ANXA8: variants seen among roughly 807,000 people sequenced by gnomAD.
The protein encoded by ANXA8 is VAC-beta.
ANXA8 carries 9 observed loss-of-function variants against 26.8 expected under a neutral mutation model. That is an observed-to-expected ratio of 0.34 (90% CI 0.20 to 0.59). The LOEUF (loss-of-function observed/expected upper bound fraction) is 0.59. Among genes scored for constraint, ANXA8 ranks in the 20% least tolerant of loss-of-function variants. The pLI, the probability that ANXA8 is intolerant of heterozygous loss-of-function variation, is 0.84. For synonymous variants in ANXA8, 39 were observed against 94.8 expected, an observed-to-expected ratio of 0.41 and a Z score of 3.42; for missense variants, 83 against 238.5, an observed-to-expected ratio of 0.35 and a Z score of 4.29.
the ANXA8 span, among the ~76,000 whole-genome samples, chr10:47,501,006 G>C: frequency 1.4e-5 from 2 of 140,838 alleles, no homozygotes; most frequent in South Asian, 4.5e-4. Context: ...CCATTCTCCT[G>C]CCTCAGCCTC....
chr10:47,646,578 G>A, the ANXA8 span, among the ~76,000 whole-genome samples: 1 of 151,148 alleles, frequency 6.6e-6, no homozygotes, highest in South Asian at 2.1e-4. Context: ...ACAGAAACAG[G>A]CCAATAAAGA....
chr10:47,694,417 C>CTTTT, the ANXA8 span, among the ~76,000 whole-genome samples: 8 of 107,960 alleles, frequency 7.4e-5, no homozygotes, highest in Non-Finnish European at 8.9e-5. Flanking sequence ...AGAAATCTTC[C>CTTTT]TTTTTTTTTT....
chr10:47,683,777 G>A, the ANXA8 span, among the ~76,000 whole-genome samples: 7 of 150,776 alleles, frequency 4.6e-5, no homozygotes, highest in Non-Finnish European at 1.0e-4. Context: ...ATCCCATGTG[G>A]CTTCTTTGTC....
chr10:47,503,125 G>A, the ANXA8 span: 12 of 1,610,968 alleles, frequency 7.4e-6, no homozygotes, highest in African/African-American at 1.4e-5. Context: ...GATGGTAGAT[G>A]TCCGAAGGTC....
At chr10:47,986,990 C>T in the ANXA8 span, 2 of 535,520 alleles carry the variant, frequency 3.7e-6, no homozygotes, top group Non-Finnish European at 3.6e-6. Flanking sequence ...AGGGACCCTT[C>T]CCAGCTGATG....
chr10:47,762,992 G>C, the ANXA8 span: 1 of 1,221,476 alleles, frequency 8.2e-7, no homozygotes, highest in Non-Finnish European at 1.0e-6. Flanking sequence ...TGCGGTGAGA[G>C]TACCACCCCC....
chr10:47,575,229 A>G, the ANXA8 span, among the ~76,000 whole-genome samples: 4 of 141,808 alleles, frequency 2.8e-5, no homozygotes, highest in East Asian at 8.0e-4. Context: ...GAAAGAAAGC[A>G]AGCAAGAAAG....
At chr10:47,470,026 G>C (rs1231198156) in intron 11 of ANXA8, among the ~76,000 whole-genome samples, 2 of 151,580 alleles carry the variant, frequency 1.3e-5, no homozygotes, top group Non-Finnish European at 2.9e-5. Context: ...TTACGGGTGT[G>C]GGCCACTACG....
chr10:47,955,618 C>CA, the ANXA8 span, among the ~76,000 whole-genome samples: 1 of 148,124 alleles, frequency 6.8e-6, no homozygotes, highest in African/African-American at 2.5e-5. Flanking sequence ...GCATAGAAGA[C>CA]AAAAAGTAGT....
the ANXA8 span, among the ~76,000 whole-genome samples, chr10:47,503,937 CAAAAAAAAAA>C: frequency 0.016 from 374 of 23,372 alleles, 5 homozygotes; most frequent in African/African-American, 0.075. Flanking sequence ...GAGAGTCCAT[CAAAAAAAAAA>C]AAAAAAAAAA....
the ANXA8 span, chr10:47,502,356 C>G: frequency 1.2e-6 from 2 of 1,608,206 alleles, no homozygotes. Context: ...TGGCCCGCAG[C>G]AGCTGCTGGC....
At chr10:47,951,631 G>A in the ANXA8 span, among the ~76,000 whole-genome samples, 4 of 150,302 alleles carry the variant, frequency 2.7e-5, no homozygotes, top group African/African-American at 5.0e-5. Context: ...GCAACATGGT[G>A]AAACCCCATC....
chr10:47,773,954 C>T, the ANXA8 span, among the ~76,000 whole-genome samples: 1 of 138,116 alleles, frequency 7.2e-6, no homozygotes, highest in African/African-American at 2.7e-5. Flanking sequence ...CTTGCCAAAC[C>T]TGTGATAGGC....
the ANXA8 span, among the ~76,000 whole-genome samples, chr10:47,955,097 G>C: frequency 6.8e-6 from 1 of 147,534 alleles, no homozygotes; most frequent in African/African-American, 2.5e-5. Context: ...TTACTGTGCT[G>C]TTCTCATGAT....
the ANXA8 span, among the ~76,000 whole-genome samples, chr10:47,694,632 G>A: frequency 0.34 from 51,458 of 150,778 alleles, 9,164 homozygotes; most frequent in African/African-American, 0.52. Context: ...TATTGGCCGG[G>A]CTGGTCTCGA....
At chr10:47,918,383 G>GAGAAAGAGAGAAAGAA in the ANXA8 span, among the ~76,000 whole-genome samples, 1 of 10,506 alleles carries the variant, frequency 9.5e-5, no homozygotes, top group Non-Finnish European at 1.6e-4. Context: ...GAGAGAGAGA[G>GAGAAAGAGAGAAAGAA]AGAAAGAAAG....
the ANXA8 span, among the ~76,000 whole-genome samples, chr10:47,605,624 AGT>A: frequency 6.9e-6 from 1 of 144,862 alleles, no homozygotes; most frequent in Non-Finnish European, 1.5e-5. Flanking sequence ...ACACAAAATA[AGT>A]GTAAATTATA....
the ANXA8 span, among the ~76,000 whole-genome samples, chr10:47,682,891 T>C: frequency 6.6e-6 from 1 of 152,224 alleles, no homozygotes; most frequent in Admixed American, 6.5e-5. Context: ...AAATTCCCGT[T>C]GTATTGCAAG....
At chr10:47,486,360 T>C (rs1386344092), upstream of ANXA8, among the ~76,000 whole-genome samples, 1 of 144,214 alleles carries the variant, frequency 6.9e-6, no homozygotes, top group Non-Finnish European at 1.5e-5. Context: ...TTAGCATGTC[T>C]TGAAGCACTG....
Sources: gnomAD v4.1 joint callset for allele counts (sites outside exome capture counted in the v4.1 genomes callset) on GRCh38, gnomAD v4.1.1 for gene constraint, MANE v1.5 for transcripts, NCBI Gene and HGNC (gene_info 2026-07-23, HGNC 2026-07-21) for gene names.